APOBEC1: variants seen among roughly 807,000 people sequenced by gnomAD.
The protein encoded by APOBEC1 is apolipoprotein B mRNA editing enzyme catalytic subunit 1, also known as C->U-editing enzyme APOBEC-1.
APOBEC1 carries 22 observed loss-of-function variants against 26.3 expected under a neutral mutation model. That is an observed-to-expected ratio of 0.84 (90% CI 0.60 to 1.19). The LOEUF (loss-of-function observed/expected upper bound fraction) is 1.19. APOBEC1 is among the 50% of genes most tolerant of loss of function. APOBEC1 has a pLI of 0.00. For synonymous variants in APOBEC1, 77 were observed against 95.3 expected (o/e 0.81, Z 1.12); for missense variants, 253 against 289.0 (o/e 0.88, Z 0.90).
chr12:7,665,953 C>T (rs1863887894), upstream of APOBEC1: 2 of 1,458,926 alleles, frequency 1.4e-6, no homozygotes, highest in African/African-American at 2.8e-5. Flanking sequence ...CAGGTGTGCC[C>T]ACTGCCACCT....
chr12:7,658,720 A>C (rs1238540004), intron 1 of APOBEC1, among the ~76,000 whole-genome samples: 4 of 152,142 alleles, frequency 2.6e-5, no homozygotes, highest in African/African-American at 9.7e-5. Context: ...TGGGAGGCTG[A>C]GGCAGGTGGA....
At chr12:7,660,394 AAG>A (rs1491197503) in intron 1 of APOBEC1, among the ~76,000 whole-genome samples, 1 of 97,216 alleles carries the variant, frequency 1.0e-5, no homozygotes, top group South Asian at 4.6e-4. Flanking sequence ...GAAAGAAAGA[AAG>A]AAAGAAAGAA....
At chr12:7,652,365 T>C in intron 3 of APOBEC1, 73 bp downstream of exon 3, 1 of 1,404,408 alleles carries the variant, frequency 7.1e-7, no homozygotes, top group Non-Finnish European at 9.6e-7. Flanking sequence ...CTAACCAATC[T>C]TCTGGCCTAA....
intron 1 of APOBEC1, among the ~76,000 whole-genome samples, chr12:7,657,261 G>A (rs895022377): frequency 2.6e-5 from 4 of 152,202 alleles, no homozygotes; most frequent in African/African-American, 4.8e-5. Flanking sequence ...ATTGTTAGCT[G>A]AATGTCTAGT....
intron 1 of APOBEC1, among the ~76,000 whole-genome samples, chr12:7,655,524 AG>A (rs1394082877): frequency 3.3e-5 from 5 of 151,974 alleles, no homozygotes; most frequent in African/African-American, 1.2e-4. Context: ...AAAAAAAAAA[AG>A]AAAGAAAGAA....
chr12:7,664,531 T>C (rs1266469867), intron 1 of APOBEC1, among the ~76,000 whole-genome samples: 1 of 152,238 alleles, frequency 6.6e-6, no homozygotes, highest in Non-Finnish European at 1.5e-5. Flanking sequence ...TTCATTATAT[T>C]CCAGACACAA....
upstream of APOBEC1, among the ~76,000 whole-genome samples, chr12:7,668,707 C>CCATCA (rs1300884033): frequency 2.0e-5 from 3 of 151,860 alleles, no homozygotes; most frequent in Non-Finnish European, 4.4e-5. Flanking sequence ...TTTAAAATTC[C>CCATCA]CATCACCCCA....
At chr12:7,659,672 T>C (rs1375709201) in intron 1 of APOBEC1, among the ~76,000 whole-genome samples, 3 of 151,980 alleles carry the variant, frequency 2.0e-5, no homozygotes, top group African/African-American at 7.2e-5. Flanking sequence ...AAAGAAAAAC[T>C]AAAAATGCAA....
intron 1 of APOBEC1, among the ~76,000 whole-genome samples, chr12:7,657,153 G>A (rs1863727401): frequency 6.6e-6 from 1 of 151,710 alleles, no homozygotes; most frequent in South Asian, 2.1e-4. Context: ...TACATATTTG[G>A]CATCCCAGCC....
At chr12:7,658,173 C>T (rs1240966367) in intron 1 of APOBEC1, among the ~76,000 whole-genome samples, 2 of 152,160 alleles carry the variant, frequency 1.3e-5, no homozygotes, top group South Asian at 2.1e-4. Flanking sequence ...AAGTGATTCT[C>T]GTGCCTGAGC....
At chr12:7,650,065 C>T (rs1317084749) in intron 4 of APOBEC1, among the ~76,000 whole-genome samples, 1 of 152,088 alleles carries the variant, frequency 6.6e-6, no homozygotes, top group Non-Finnish European at 1.5e-5. Flanking sequence ...CATCCACTCC[C>T]CTCTGCCTCC....
chr12:7,649,581 G>A lies in APOBEC1; in HGVS notation c.677C>T (p.Thr226Ile), dbSNP rs757894534. The change falls in exon 5 of 5, where the codon ACA becomes ATA. Residue 226 changes from threonine to isoleucine, a missense_variant. By Grantham distance (89) the Thr-to-Ile change is moderately conservative. Transcript: ENST00000229304. ...QTIPPHILLA[T>I]GLIHPSVAWR Reference sequence around the variant, plus strand: ...AGCCACAGAAGGATGTATCAGCCCTGTAGCTAAAAGGATGTGTGGCGGAAT... The same window carrying A: ...AGCCACAGAAGGATGTATCAGCCCTATAGCTAAAAGGATGTGTGGCGGAAT... 3.1e-6 allele frequency: 5 copies of A among 1,614,164 alleles called. No homozygotes were observed. The East Asian group carries it at 8.9e-5, about 29-fold the overall frequency.
upstream of APOBEC1, among the ~76,000 whole-genome samples, chr12:7,667,835 C>T (rs1441126681): frequency 6.6e-6 from 1 of 150,928 alleles, no homozygotes; most frequent in Non-Finnish European, 1.5e-5. Flanking sequence ...ATTGCTCGAA[C>T]CCAGGAGGGA....
Position 7,653,634 on chromosome 12 carries a change from A to C in APOBEC1, c.45-799T>G, listed in dbSNP as rs192809141. 2.7e-3 allele frequency among the ~76,000 whole-genome samples: 404 copies of C among 151,796 alleles called. 3 individuals carry two copies. The highest frequency in any genetic ancestry group is 8.7e-3 in the African/African-American group (359 of 41,390). On this transcript the variant is annotated intron_variant, in intron 2 of 4. Coordinates refer to ENST00000229304, the MANE Select transcript of APOBEC1 (RefSeq NM_001644.5). The stretch of plus-strand genomic sequence containing the variant: ...GCCCCACCATGCCTAGCTATATTCT[A>C]ACTTTTCTATTTTACACCTAGAGGT...
At chr12:7,658,015 G>A (rs757283996) in intron 1 of APOBEC1, among the ~76,000 whole-genome samples, 7 of 152,048 alleles carry the variant, frequency 4.6e-5, no homozygotes, top group Admixed American at 6.6e-5. Flanking sequence ...TCCAATTTCC[G>A]AAATAGAATC....
At chr12:7,664,827 A>G (rs1741690702) in intron 1 of APOBEC1, among the ~76,000 whole-genome samples, 1 of 151,528 alleles carries the variant, frequency 6.6e-6, no homozygotes, top group South Asian at 2.1e-4. Context: ...GGATCTCTTG[A>G]GCCCAGGAGG....
Position 7,649,439 on chromosome 12 carries a change from A to G in APOBEC1, c.*108T>C. 8.2e-7 allele frequency: 1 copy of G among 1,220,280 alleles called. No individual in the cohort carries two copies. Among genetic ancestry groups the G allele is most frequent in the South Asian group, 1.5e-5 (1 of 66,666 alleles). 75.6% of individuals were successfully genotyped at this position (1,220,280 alleles called of 1,614,324 possible). On this transcript the variant is annotated 3_prime_UTR_variant, in exon 5 of 5. Coordinates refer to ENST00000229304, the MANE Select transcript of APOBEC1 (RefSeq NM_001644.5). ...CATATTTATTGTTGGTTTAAGCTAC[A>G]GAGTTTTGGGGTACCTTGTGAACAT...
chr12:7,660,975 C>G (rs1224994518), intron 1 of APOBEC1, among the ~76,000 whole-genome samples: 2 of 142,838 alleles, frequency 1.4e-5, no homozygotes, highest in Non-Finnish European at 3.0e-5. Context: ...GGGTGGATCA[C>G]AAGGTCAGGA....
At chr12:7,650,625 G>T (rs1229083560) in intron 4 of APOBEC1, among the ~76,000 whole-genome samples, 1 of 151,924 alleles carries the variant, frequency 6.6e-6, no homozygotes, top group African/African-American at 2.4e-5. Context: ...ATAGAGAGGG[G>T]GTCTCATTAT....
Sources: gnomAD v4.1 joint callset for allele counts (sites outside exome capture counted in the v4.1 genomes callset) on GRCh38, gnomAD v4.1.1 for gene constraint, MANE v1.5 for transcripts, NCBI Gene and HGNC (gene_info 2026-07-23, HGNC 2026-07-21) for gene names.